The following HIVEP3 variants were observed in gnomAD, a reference collection of about 807,000 sequenced individuals.
The protein encoded by HIVEP3 is transcription factor HIVEP3.
In HIVEP3, 49 loss-of-function variants were observed where a neutral mutation model predicts 152.8. That is an observed-to-expected ratio of 0.32 (90% CI 0.26 to 0.41). The LOEUF (loss-of-function observed/expected upper bound fraction) is 0.41, where lower values mean the gene tolerates loss of function less well. HIVEP3 is among the 10% of genes least tolerant of loss of function. HIVEP3 has a pLI of 1.00. For missense variants in HIVEP3, 2,790 were observed against 3,103.3 expected (o/e 0.90, Z 2.40); for synonymous variants, 1,269 against 1,289.0 (o/e 0.98, Z 0.33).
At chr1:41,576,627 T>G (rs1233247662) in intron 4 of HIVEP3, among the ~76,000 whole-genome samples, 1 of 152,230 alleles carries the variant, frequency 6.6e-6, no homozygotes, top group Non-Finnish European at 1.5e-5. Context: ...CATTTCCTGA[T>G]GCTGGGGCAA....
intron 1 of HIVEP3, among the ~76,000 whole-genome samples, chr1:42,004,432 T>A (rs183603887): frequency 9.2e-5 from 14 of 152,264 alleles, no homozygotes; most frequent in Non-Finnish European, 1.3e-4. Flanking sequence ...TTCATTACTT[T>A]TGTATATCAC....
intron 1 of HIVEP3, among the ~76,000 whole-genome samples, chr1:41,836,351 G>C (rs1643122860): frequency 6.6e-6 from 1 of 152,226 alleles, no homozygotes; most frequent in South Asian, 2.1e-4. Flanking sequence ...GACAGGCAGA[G>C]AGCACAGCTG....
chr1:41,829,155 C>T (rs879878230), intron 1 of HIVEP3, among the ~76,000 whole-genome samples: 3 of 152,040 alleles, frequency 2.0e-5, no homozygotes, highest in East Asian at 1.9e-4. Context: ...GGAGTGGAAG[C>T]GTCACAGGGG....
intron 1 of HIVEP3, among the ~76,000 whole-genome samples, chr1:41,949,167 T>C (rs1645091403): frequency 6.6e-6 from 1 of 152,232 alleles, no homozygotes; most frequent in Admixed American, 6.5e-5. Context: ...TCAGAATCTA[T>C]GTGCTTCCTC....
At chr1:41,989,824 G>A (rs1055971990) in intron 1 of HIVEP3, among the ~76,000 whole-genome samples, 9 of 149,072 alleles carry the variant, frequency 6.0e-5, no homozygotes, top group South Asian at 2.2e-4. Context: ...GTCTCTGCAC[G>A]TGAGATGGGT....
At chr1:41,962,532 G>A (rs1178484159) in intron 1 of HIVEP3, among the ~76,000 whole-genome samples, 2 of 152,180 alleles carry the variant, frequency 1.3e-5, no homozygotes, top group East Asian at 3.8e-4. Context: ...TCCCTGGGAC[G>A]TCACTAGACA....
chr1:41,965,021 T>C (rs1161885496), intron 1 of HIVEP3, among the ~76,000 whole-genome samples: 1 of 152,214 alleles, frequency 6.6e-6, no homozygotes, highest in Non-Finnish European at 1.5e-5. Flanking sequence ...CCCACTGGCA[T>C]CAGGTTGGTG....
intron 2 of HIVEP3, among the ~76,000 whole-genome samples, chr1:41,650,025 A>G (rs1472264087): frequency 6.6e-6 from 1 of 152,058 alleles, no homozygotes; most frequent in Non-Finnish European, 1.5e-5. Context: ...CGGAAAAGAA[A>G]CAAACCGGCA....
At chr1:41,831,754 G>A (rs1642971505) in intron 1 of HIVEP3, among the ~76,000 whole-genome samples, 1 of 152,212 alleles carries the variant, frequency 6.6e-6, no homozygotes. Flanking sequence ...CACCAGGCAT[G>A]AGTCTGTGCT....
intron 2 of HIVEP3, among the ~76,000 whole-genome samples, chr1:41,638,396 A>T (rs1478999394): frequency 6.9e-6 from 1 of 143,952 alleles, no homozygotes; most frequent in African/African-American, 2.5e-5. Flanking sequence ...AAAGAAAGAA[A>T]AGAAAGAAAG....
Position 41,830,061 on chromosome 1 carries a change from T to C in HIVEP3, c.-801+88352A>G, listed in dbSNP as rs574555085. ...ACATATTCAGGTGTGATGCACTTCATGTCAAGGTCTCATTGACCCCGTAGA... is the reference window on the plus strand; with the variant it reads ...ACATATTCAGGTGTGATGCACTTCACGTCAAGGTCTCATTGACCCCGTAGA... On this transcript the variant is annotated intron_variant, in intron 1 of 8. Coordinates refer to ENST00000372583, the MANE Select transcript of HIVEP3 (RefSeq NM_024503.5). Among the ~76,000 whole-genome samples the C allele has an allele frequency of 2.6e-5, 4 of 152,380 alleles. No homozygotes were observed. The South Asian group carries it at 8.3e-4, about 32-fold the overall frequency.
intron 3 of HIVEP3, among the ~76,000 whole-genome samples, chr1:41,589,546 A>G (rs796934738): frequency 3.9e-5 from 6 of 152,322 alleles, no homozygotes; most frequent in African/African-American, 1.2e-4. Context: ...TCAGGACAAC[A>G]TGACCATGGC....
At chr1:41,554,260 T>C (rs1036571853) in intron 5 of HIVEP3, among the ~76,000 whole-genome samples, 2 of 152,260 alleles carry the variant, frequency 1.3e-5, no homozygotes, top group African/African-American at 2.4e-5. Flanking sequence ...CTTCAATCAC[T>C]GATACCCTTT....
chr1:41,774,838 T>A (rs912510687), intron 1 of HIVEP3, among the ~76,000 whole-genome samples: 7 of 151,646 alleles, frequency 4.6e-5, no homozygotes, highest in Admixed American at 1.3e-4. Flanking sequence ...ACTCTGTCAC[T>A]AGGCTGGAGT....
At chr1:41,733,589 C>T (rs947729117) in intron 1 of HIVEP3, among the ~76,000 whole-genome samples, 3 of 152,232 alleles carry the variant, frequency 2.0e-5, no homozygotes, top group Non-Finnish European at 2.9e-5. Context: ...CCTATTCTGT[C>T]GCTCACCAAA....
chr1:41,942,960 C>T (rs1444377400), intron 1 of HIVEP3, among the ~76,000 whole-genome samples: 2 of 152,024 alleles, frequency 1.3e-5, no homozygotes, highest in Admixed American at 6.5e-5. Flanking sequence ...AGTGCAGTGG[C>T]ATGAACTTGG....
chr1:41,516,168 A>G (rs1642598556), intron 7 of HIVEP3, among the ~76,000 whole-genome samples: 2 of 6,944 alleles, frequency 2.9e-4, no homozygotes, highest in Non-Finnish European at 3.3e-3. Context: ...CGCTGAGGGA[A>G]TGCCCCTGGC....
chr1:41,967,679 C>T (rs1292555416), intron 1 of HIVEP3, among the ~76,000 whole-genome samples: 2 of 151,890 alleles, frequency 1.3e-5, no homozygotes, highest in Non-Finnish European at 2.9e-5. Flanking sequence ...TAGCAGAAGA[C>T]AAGAAATAAC....
intron 1 of HIVEP3, among the ~76,000 whole-genome samples, chr1:41,878,876 C>G (rs1644216122): frequency 1.4e-5 from 2 of 146,664 alleles, no homozygotes; most frequent in South Asian, 4.5e-4. Context: ...CTCCCTCCCT[C>G]CCCTCCTTCC....
Sources: allele counts gnomAD v4.1 joint callset (sites outside exome capture counted in the v4.1 genomes callset), GRCh38; gene constraint gnomAD v4.1.1; transcripts MANE v1.5; gene names NCBI Gene and HGNC (gene_info 2026-07-23, HGNC 2026-07-21).